Variants in SLC5A1 observed in about 807,000 individuals in gnomAD.
SLC5A1 encodes the protein sodium/glucose cotransporter 1.
A neutral mutation model predicts 73.5 loss-of-function variants in SLC5A1; 42 were observed. The ratio of observed to expected loss-of-function variants is 0.57; its 90% CI spans 0.45 to 0.74. The LOEUF is 0.74. Ranked by LOEUF, SLC5A1 falls within the 30% of genes least tolerant of loss-of-function variation. The pLI is 0.00. For missense variants in SLC5A1, 634 were observed against 855.4 expected (o/e 0.74, Z 3.23); for synonymous variants, 300 against 317.4 (o/e 0.95, Z 0.58).
rs1017201790 is a variant in SLC5A1, at chr22:32,107,018, G to A, written c.1771+2127G>A. Among the ~76,000 whole-genome samples the A allele has an allele frequency of 2.0e-5, 3 of 152,296 alleles. No individual in the cohort carries two copies. The East Asian group carries it at 5.8e-4, about 29-fold the overall frequency. ...ACATGTAAATTGAGGCTTAGGGAGG[G>A]AGAGGCTGTGCCTAAGGTCTCAGCT... On this transcript the variant is annotated intron_variant, in intron 14 of 14. Transcript: ENST00000266088.
chr22:32,090,517 A>G (rs1447027736), intron 10 of SLC5A1, among the ~76,000 whole-genome samples: 1 of 152,042 alleles, frequency 6.6e-6, no homozygotes, highest in East Asian at 1.9e-4. Context: ...ATTCCATCAC[A>G]TGTTTACCCA....
At chr22:32,067,899 G>C in intron 3 of SLC5A1, 68 bp from the exon 4 acceptor site, 1 of 1,502,484 alleles carries the variant, frequency 6.7e-7, no homozygotes, top group Non-Finnish European at 9.3e-7. Flanking sequence ...CAGCTGAGGG[G>C]CCCTTCAGGT....
At chr22:32,047,603 T>C (rs1547411) in intron 1 of SLC5A1, among the ~76,000 whole-genome samples, 6,819 of 152,204 alleles carry the variant, frequency 0.045, 207 homozygotes, top group Non-Finnish European at 0.07. Context: ...CAAGCCATGC[T>C]CTCCCGGGTA....
At position 32,084,886 on chromosome 22, in the gene SLC5A1, G is replaced by A. The variant is rs2094005574; in HGVS notation, c.886-14G>A. The A allele has an allele frequency of 1.2e-6, 2 of 1,613,842 alleles. No homozygotes were observed. Among genetic ancestry groups the A allele is most frequent in the South Asian group, 2.2e-5 (2 of 91,076 alleles). On this transcript the variant is annotated splice_polypyrimidine_tract_variant and intron_variant, in intron 8 of 14. Coordinates refer to ENST00000266088, the MANE Select transcript of SLC5A1 (RefSeq NM_000343.4). ...CTGGTCTGCACACCTCCCTTACTGGGCTTTTTCTGGCAGGTCATTGTGCAG... is the reference window on the plus strand; with the variant it reads ...CTGGTCTGCACACCTCCCTTACTGGACTTTTTCTGGCAGGTCATTGTGCAG...
intron 2 of SLC5A1, among the ~76,000 whole-genome samples, chr22:32,064,841 A>G (rs1479244348): frequency 6.6e-6 from 1 of 152,138 alleles, no homozygotes; most frequent in African/African-American, 2.4e-5. Flanking sequence ...CTTGCCCCCA[A>G]CACTGCAATC....
At chr22:32,060,163 ACACACAC>A (rs1383296318) in intron 2 of SLC5A1, among the ~76,000 whole-genome samples, 1 of 137,822 alleles carries the variant, frequency 7.3e-6, no homozygotes, top group East Asian at 2.0e-4. Context: ...ACACACACAC[ACACACAC>A]ACACACACAC....
intron 5 of SLC5A1, among the ~76,000 whole-genome samples, chr22:32,074,927 T>G (rs976461289): frequency 1.3e-5 from 2 of 152,098 alleles, no homozygotes; most frequent in African/African-American, 2.4e-5. Flanking sequence ...GATAGGGTAT[T>G]GCTCTGTTGC....
intron 12 of SLC5A1, among the ~76,000 whole-genome samples, chr22:32,100,344 C>T (rs891736826): frequency 2.6e-5 from 4 of 152,178 alleles, no homozygotes; most frequent in African/African-American, 4.8e-5. Context: ...TGCCTAACTG[C>T]GCTGTCTAGG....
At position 32,072,833 on chromosome 22, in the gene SLC5A1, A is replaced by G. The variant is rs369348835; in HGVS notation, c.477+4233A>G. Among the ~76,000 whole-genome samples the G allele has an allele frequency of 9.9e-5, 15 of 152,236 alleles. No homozygotes were observed. The East Asian group carries it at 1.9e-3, about 20-fold the overall frequency. On this transcript the variant is annotated intron_variant, in intron 5 of 14. Coordinates refer to ENST00000266088, the MANE Select transcript of SLC5A1 (RefSeq NM_000343.4). ...TACAGTTATTTTTCCCTTTTACATT[A>G]TTACCTTCCTGTCCTGGCCTACATG...
rs571905913 is a variant in SLC5A1 at position 32,112,241 on chromosome 22, A to G, written c.*2028A>G. On this transcript the variant is annotated 3_prime_UTR_variant, in exon 15 of 15. Transcript: ENST00000266088. ...CCATCCCCATTCCAGGGTCTTCAGAATTGAAGGAGAGATGTTGTATCACTG... is the reference window on the plus strand; with the variant it reads ...CCATCCCCATTCCAGGGTCTTCAGAGTTGAAGGAGAGATGTTGTATCACTG... 6.6e-6 allele frequency: 1 copy of G among 152,250 alleles called. No individual in the cohort carries two copies. The highest frequency in any genetic ancestry group is 2.1e-4 in the South Asian group (1 of 4,828). The allele number at this position is 152,250 out of a possible 1,614,324, so 9.4% of individuals were successfully genotyped here.
intron 11 of SLC5A1, among the ~76,000 whole-genome samples, chr22:32,095,763 C>T (rs2187798): frequency 2.0e-5 from 3 of 152,160 alleles, no homozygotes; most frequent in African/African-American, 7.2e-5. Flanking sequence ...AGGTGAGTTT[C>T]TTGAAGGCAG....
chr22:32,059,624 A>C (rs1409783621), intron 2 of SLC5A1, among the ~76,000 whole-genome samples: 3 of 151,776 alleles, frequency 2.0e-5, no homozygotes, highest in Non-Finnish European at 4.4e-5. Flanking sequence ...TATTGCAGAG[A>C]GTCTGGAGTG....
intron 5 of SLC5A1, among the ~76,000 whole-genome samples, chr22:32,080,268 A>G (rs150768131): frequency 6.6e-6 from 1 of 152,140 alleles, no homozygotes; most frequent in African/African-American, 2.4e-5. Context: ...TTCAGGGGAG[A>G]TCTGGGCAGA....
chr22:32,086,438 G>A, intron 10 of SLC5A1, 111 bp downstream of exon 10: 2 of 775,070 alleles, frequency 2.6e-6, no homozygotes, highest in Non-Finnish European at 4.6e-6. Flanking sequence ...CTTAGCCGGG[G>A]GGTTAGAAGG....
chr22:32,093,296 TG>T (rs1333324921), intron 11 of SLC5A1, among the ~76,000 whole-genome samples: 9 of 150,720 alleles, frequency 6.0e-5, no homozygotes, highest in Non-Finnish European at 1.5e-5. Context: ...GCTCTTTTTT[TG>T]GTTCCATATG....
At chr22:32,102,742 C>T (rs536844610) in intron 13 of SLC5A1, among the ~76,000 whole-genome samples, 22 of 152,274 alleles carry the variant, frequency 1.4e-4, no homozygotes, top group African/African-American at 2.4e-4. Context: ...TTCCTGGCCT[C>T]GGTAACCATC....
Position 32,091,769 on chromosome 22 carries a change from G to T in SLC5A1, c.1280+7G>T. 6.2e-7 allele frequency: 1 copy of T among 1,613,626 alleles called. No homozygotes were observed. Among genetic ancestry groups the T allele is most frequent in the Non-Finnish European group, 8.5e-7 (1 of 1,179,798 alleles). ...AGCTCATGATTGCCGGAAGGTAAAT[G>T]CAGCTTCCCCCAAGCCACAAAAGCT... is the stretch of plus-strand genomic sequence containing the variant. On this transcript the variant is annotated splice_region_variant and intron_variant, in intron 11 of 14. Transcript: ENST00000266088.
rs766580787 is a variant in SLC5A1, at chr22:32,099,325, A to G, written c.1423A>G (p.Ile475Val). 3.1e-6 allele frequency: 5 copies of G among 1,612,468 alleles called. No individual in the cohort carries two copies. The highest frequency in any genetic ancestry group is 4.2e-6 in the Non-Finnish European group (5 of 1,179,444). The change falls in exon 12 of 15, where the codon ATT (isoleucine) becomes GTT (valine). Residue 475 changes from isoleucine (I) to valine (V), a missense_variant. Physicochemically the swap from Ile to Val is conservative, Grantham distance 29. Around this residue, in one of 3 missense-constraint regions of SLC5A1, gnomAD observed 422 missense variants for 626.1 expected, o/e 0.67. Coordinates refer to ENST00000266088, the MANE Select transcript of SLC5A1 (RefSeq NM_000343.4). The stretch of plus-strand genomic sequence containing the variant: ...CATTGCGGCTGTCTTCCTGCTTGCT[A>G]TTTTCTGGAAGAGAGTCAATGAGCC... ...PPIAAVFLLA[I>V]FWKRVNEPGA... is the part of the protein sequence containing the mutation.
At chr22:32,063,978 C>G (rs986936006) in intron 2 of SLC5A1, among the ~76,000 whole-genome samples, 2 of 152,170 alleles carry the variant, frequency 1.3e-5, no homozygotes, top group Non-Finnish European at 1.5e-5. Flanking sequence ...GTGGGGACTT[C>G]AGGACAGCCT....
Sources: allele counts gnomAD v4.1 joint callset (sites outside exome capture counted in the v4.1 genomes callset), GRCh38; gene constraint gnomAD v4.1.1; regional missense constraint gnomAD v4.1.1; transcripts MANE v1.5; gene names NCBI Gene and HGNC (gene_info 2026-07-23, HGNC 2026-07-21).